Variants in AIG1 observed in about 807,000 individuals in gnomAD.
The protein encoded by AIG1 is androgen induced 1, also known as androgen-induced gene 1 protein.
In AIG1, 23 loss-of-function variants were observed where a neutral mutation model predicts 31.4. That is an observed-to-expected ratio of 0.73 (90% confidence interval 0.53 to 1.04). The LOEUF (loss-of-function observed/expected upper bound fraction) is 1.04. AIG1 is among the 50% of genes least tolerant of loss of function. The pLI, the probability that AIG1 is intolerant of heterozygous loss-of-function variation, is 0.00. For missense variants in AIG1, 274 were observed against 295.0 expected (o/e 0.93, Z 0.52); for synonymous variants, 100 against 110.5 (o/e 0.90, Z 0.60).
At chr6:143,164,931 A>G in intron 2 of AIG1, 151 bp from the exon 3 acceptor site, 2 of 596,042 alleles carry the variant, frequency 3.4e-6, no homozygotes, top group Non-Finnish European at 6.0e-6. Flanking sequence ...ATGAAGCTAG[A>G]CCTGTGTTTC....
intron 3 of AIG1, among the ~76,000 whole-genome samples, chr6:143,265,712 G>A (rs1796107008): frequency 6.6e-6 from 1 of 152,194 alleles, no homozygotes. Context: ...AAAGATTTCT[G>A]AGACCCTGAT....
chr6:143,132,898 A>G (rs1396021802), intron 1 of AIG1, among the ~76,000 whole-genome samples: 1 of 151,646 alleles, frequency 6.6e-6, no homozygotes, highest in Non-Finnish European at 1.5e-5. Flanking sequence ...TAACTTTTGA[A>G]TATTAACTTT....
chr6:143,276,698 C>A, intron 3 of AIG1, among the ~76,000 whole-genome samples: 1 of 140,650 alleles, frequency 7.1e-6, no homozygotes, highest in Admixed American at 7.0e-5. Flanking sequence ...CCTCATCATT[C>A]AAAACACTAC....
chr6:143,313,077 G>C (rs562684704), intron 4 of AIG1, among the ~76,000 whole-genome samples: 1 of 152,246 alleles, frequency 6.6e-6, no homozygotes, highest in East Asian at 1.9e-4. Flanking sequence ...AGGATGTGGA[G>C]AAAAGGGAAC....
rs138653317 is a variant in AIG1, at chr6:143,087,537, G to A, written c.141+26471G>A. ...CAGTGGACACCTTGCCAGATCCAGA[G>A]GGATGGAAGTCAGCGGCGGGTCTGC... is the stretch of plus-strand genomic sequence containing the variant. On this transcript the variant is annotated intron_variant, in intron 1 of 5. Transcript: ENST00000357847. 5.9e-3 allele frequency among the ~76,000 whole-genome samples: 902 copies of A among 152,344 alleles called. 6 individuals carry two copies. Among genetic ancestry groups the A allele is most frequent in the African/African-American group, 0.021 (871 of 41,586 alleles).
chr6:143,067,863 T>A (rs1211641753), intron 1 of AIG1, among the ~76,000 whole-genome samples: 1 of 152,120 alleles, frequency 6.6e-6, no homozygotes, highest in Non-Finnish European at 1.5e-5. Flanking sequence ...AAATTGCAAT[T>A]TTTTTCTTCA....
At chr6:143,145,692 G>T (rs1297950327) in intron 2 of AIG1, among the ~76,000 whole-genome samples, 11 of 152,138 alleles carry the variant, frequency 7.2e-5, no homozygotes, top group Admixed American at 7.2e-4. Context: ...TTATCCTTAG[G>T]GGCTGGGCAT....
Position 143,280,628 on chromosome 6 carries a change from A to G in AIG1, c.400-3482A>G, listed in dbSNP as rs952850251. On this transcript the variant is annotated intron_variant, in intron 3 of 5. Transcript: ENST00000357847. This position sits in a 1 kb window ranked among gnomAD's most constrained non-coding sequence, Gnocchi z 4.1. ...TAGCAAACTAATGCAGGAACAGAAA[A>G]CCAAACACCGCATGTTCTCACTTAT... Among the ~76,000 whole-genome samples, 4 of 152,184 alleles carry G rather than the reference A, an allele frequency of 2.6e-5. No individual in the cohort carries two copies. Among genetic ancestry groups the G allele is most frequent in the Non-Finnish European group, 5.9e-5 (4 of 68,040 alleles).
intron 3 of AIG1, chr6:143,187,404 C>T (rs1330524481): frequency 1.3e-6 from 2 of 1,535,564 alleles, no homozygotes. Flanking sequence ...CAACTAGATT[C>T]CACCACTTTG....
At chr6:143,173,868 T>A (rs1425413749) in intron 3 of AIG1, among the ~76,000 whole-genome samples, 1 of 152,226 alleles carries the variant, frequency 6.6e-6, no homozygotes, top group Admixed American at 6.5e-5. Flanking sequence ...CTGCAATTGT[T>A]GGGTAGAATG....
chr6:143,317,118 A>G (rs1361042414), intron 4 of AIG1, among the ~76,000 whole-genome samples: 1 of 152,062 alleles, frequency 6.6e-6, no homozygotes, highest in African/African-American at 2.4e-5. Flanking sequence ...GACACTATTC[A>G]AAAAAGTAGA....
At chr6:143,216,524 A>G (rs148276026) in intron 3 of AIG1, among the ~76,000 whole-genome samples, 11 of 152,320 alleles carry the variant, frequency 7.2e-5, no homozygotes, top group African/African-American at 2.6e-4. Context: ...TACAAGCTGA[A>G]TTGATGTTTA....
Position 143,136,971 on chromosome 6 carries a change from T to C in AIG1, c.278T>C (p.Leu93Ser). 2 of 1,450,682 alleles carry C rather than the reference T, an allele frequency of 1.4e-6. No individual in the cohort carries two copies. Among genetic ancestry groups the C allele is most frequent in the Non-Finnish European group, 1.8e-6 (2 of 1,083,592 alleles). The allele number at this position is 1,450,682 out of a possible 1,614,324, so 89.9% of individuals were successfully genotyped here. Reference protein sequence around the residue: ...ISLRDWMLAVLAFPVGVFVVA... With the variant: ...ISLRDWMLAVSAFPVGVFVVA... ...CTCCGGGACTGGATGTTAGCTGTGT[T>C]GGCCTTTCCTGTTGGGGTTGTGAGT... The change falls in exon 2 of 6, where the codon TTG (leucine) becomes TCG (serine). Residue 93 changes from leucine (L) to serine (S), a missense_variant. By Grantham distance (145) the Leu-to-Ser change is moderately radical. This residue lies in a region of AIG1 where 243 missense variants were observed against 238.5 expected (regional missense o/e 1.02). Transcript: ENST00000357847.
chr6:143,075,051 G>A (rs1777608948), intron 1 of AIG1, among the ~76,000 whole-genome samples: 1 of 152,156 alleles, frequency 6.6e-6, no homozygotes, highest in Non-Finnish European at 1.5e-5. Context: ...TTTTAAAACA[G>A]ATTTGGTATC....
At chr6:143,339,564 T>G in intron 5 of AIG1, 75 bp from the exon 6 acceptor site, 1 of 1,499,846 alleles carries the variant, frequency 6.7e-7, no homozygotes, top group Non-Finnish European at 9.2e-7. Flanking sequence ...GTGAGTAGTG[T>G]TAGCAAGCCA....
chr6:143,136,282 A>G (rs923312618), intron 1 of AIG1, among the ~76,000 whole-genome samples: 3 of 152,124 alleles, frequency 2.0e-5, no homozygotes, highest in Non-Finnish European at 4.4e-5. Flanking sequence ...TTTTTTTATG[A>G]CTCAAGGACC....
intron 1 of AIG1, among the ~76,000 whole-genome samples, chr6:143,095,616 G>T (rs1270094542): frequency 2.0e-5 from 3 of 152,040 alleles, no homozygotes; most frequent in Non-Finnish European, 4.4e-5. Flanking sequence ...GAATTTTGAG[G>T]CAAAAATTGT....
chr6:143,182,000 A>ACTCT (rs1285682626), intron 3 of AIG1, among the ~76,000 whole-genome samples: 1 of 150,958 alleles, frequency 6.6e-6, no homozygotes, highest in Non-Finnish European at 1.5e-5. Flanking sequence ...TCTTTCTCTC[A>ACTCT]CTCTCTCTCT....
At chr6:143,143,271 A>G (rs1434322320) in intron 2 of AIG1, among the ~76,000 whole-genome samples, 2 of 151,270 alleles carry the variant, frequency 1.3e-5, no homozygotes, top group Non-Finnish European at 2.9e-5. Flanking sequence ...CATTTTAAAA[A>G]TGATCATGAG....
Sources: gnomAD v4.1 joint callset for allele counts (sites outside exome capture counted in the v4.1 genomes callset) on GRCh38, gnomAD v4.1.1 for gene constraint, gnomAD v4.1.1 regional missense constraint, Gnocchi (gnomAD v3.1) non-coding constraint, MANE v1.5 for transcripts, NCBI Gene and HGNC (gene_info 2026-07-23, HGNC 2026-07-21) for gene names.